The following NTNG1 variants were observed in gnomAD, a reference collection of about 807,000 sequenced individuals.
NTNG1 encodes the protein netrin-G1.
Under a neutral mutation model 54.0 loss-of-function variants are expected in NTNG1, and 16 were observed. That is an observed-to-expected ratio of 0.30 (90% CI 0.20 to 0.45). The LOEUF (loss-of-function observed/expected upper bound fraction) is 0.45, where lower values mean the gene tolerates loss of function less well. NTNG1 is among the 20% of genes least tolerant of loss of function. The pLI is 1.00. For missense variants in NTNG1, 530 were observed against 678.7 expected (o/e 0.78, Z 2.43); for synonymous variants, 255 against 263.1 (o/e 0.97, Z 0.30).
intron 2 of NTNG1, among the ~76,000 whole-genome samples, chr1:107,217,747 T>G (rs954925925): frequency 6.6e-6 from 1 of 152,184 alleles, no homozygotes; most frequent in Non-Finnish European, 1.5e-5. Flanking sequence ...TTCCATTTAT[T>G]TCATGGTTTT....
At chr1:107,316,458 G>A (rs1453328755) in intron 2 of NTNG1, among the ~76,000 whole-genome samples, 1 of 152,168 alleles carries the variant, frequency 6.6e-6, no homozygotes, top group East Asian at 1.9e-4. Context: ...TTATTCCCAA[G>A]CCTCCTAGAC....
chr1:107,350,866 C>T (rs1428856411), intron 3 of NTNG1, among the ~76,000 whole-genome samples: 1 of 152,036 alleles, frequency 6.6e-6, no homozygotes, highest in Non-Finnish European at 1.5e-5. Flanking sequence ...AAATTCTTGT[C>T]AAAAAGTGCA....
chr1:107,332,619 G>C (rs888177333), intron 3 of NTNG1, among the ~76,000 whole-genome samples: 2 of 151,982 alleles, frequency 1.3e-5, no homozygotes, highest in Non-Finnish European at 1.5e-5. Context: ...GCCATTGTTT[G>C]ATACTTAGTG....
chr1:107,366,581 C>A (rs1295318835), intron 3 of NTNG1, among the ~76,000 whole-genome samples: 2 of 152,146 alleles, frequency 1.3e-5, no homozygotes, highest in African/African-American at 4.8e-5. Flanking sequence ...CTGTAAAGCT[C>A]TCTGTATATG....
At chr1:107,244,006 G>T (rs1373271092) in intron 2 of NTNG1, among the ~76,000 whole-genome samples, 2 of 152,142 alleles carry the variant, frequency 1.3e-5, no homozygotes, top group Non-Finnish European at 2.9e-5. Flanking sequence ...AAACTTGGAG[G>T]CAAATTAACC....
chr1:107,180,582 C>G (rs1212646165), intron 2 of NTNG1, among the ~76,000 whole-genome samples: 1 of 152,130 alleles, frequency 6.6e-6, no homozygotes, highest in African/African-American at 2.4e-5. Flanking sequence ...AAAAATAGTG[C>G]TATAGAACAT....
chr1:107,226,931 T>G (rs578081211), intron 2 of NTNG1, among the ~76,000 whole-genome samples: 1 of 152,264 alleles, frequency 6.6e-6, no homozygotes, highest in South Asian at 2.1e-4. Flanking sequence ...GTGCAGCAAC[T>G]GAGCAGCACC....
At chr1:107,254,162 T>G (rs1379700954) in intron 2 of NTNG1, among the ~76,000 whole-genome samples, 1 of 152,206 alleles carries the variant, frequency 6.6e-6, no homozygotes, top group Non-Finnish European at 1.5e-5. Flanking sequence ...GAGAACCAAC[T>G]GAGGAAAATG....
chr1:107,476,499 TTCTC>T (rs1253755456), intron 7 of NTNG1, among the ~76,000 whole-genome samples: 5 of 152,240 alleles, frequency 3.3e-5, no homozygotes, highest in African/African-American at 1.2e-4. Flanking sequence ...CAAAAAACAT[TTCTC>T]TCTCTCCTGA....
chr1:107,352,524 C>T (rs956886285), intron 3 of NTNG1, among the ~76,000 whole-genome samples: 2 of 152,192 alleles, frequency 1.3e-5, no homozygotes, highest in Non-Finnish European at 2.9e-5. Context: ...AGGCAAGTCC[C>T]TTCCACCTAT....
At chr1:107,149,750 G>A (rs956174426) in intron 2 of NTNG1, among the ~76,000 whole-genome samples, 2 of 151,738 alleles carry the variant, frequency 1.3e-5, no homozygotes, top group African/African-American at 4.8e-5. Context: ...GAGTTCAGAT[G>A]GTGAGTTCAT....
rs187330319 is a variant in NTNG1 at position 107,246,174 on chromosome 1, C to T, written c.247-78108C>T. ...TCATGCCATTCTCCTGCCTCAGCCT[C>T]CTGAGTAGCTGGGACTACAGGCACC... On this transcript the variant is annotated intron_variant, in intron 2 of 7. Coordinates refer to ENST00000370068, the MANE Select transcript of NTNG1 (RefSeq NM_001113226.3). Among the ~76,000 whole-genome samples the T allele has an allele frequency of 5.3e-3, 812 of 152,250 alleles. 5 individuals carry two copies. The highest frequency in any genetic ancestry group is 9.7e-3 in the Non-Finnish European group (659 of 68,018).
At chr1:107,353,641 AGC>A (rs1309847038) in intron 3 of NTNG1, among the ~76,000 whole-genome samples, 1 of 152,156 alleles carries the variant, frequency 6.6e-6, no homozygotes, top group Non-Finnish European at 1.5e-5. Context: ...CCAATTCCAA[AGC>A]TGCTTCCACA....
At chr1:107,301,180 A>AC (rs1666289849) in intron 2 of NTNG1, among the ~76,000 whole-genome samples, 1 of 152,166 alleles carries the variant, frequency 6.6e-6, no homozygotes, top group East Asian at 1.9e-4. Context: ...ATCCTATGTA[A>AC]TGTTTAGATT....
chr1:107,448,086 C>G (rs1340986779), intron 7 of NTNG1, among the ~76,000 whole-genome samples: 1 of 152,034 alleles, frequency 6.6e-6, no homozygotes, highest in African/African-American at 2.4e-5. Flanking sequence ...TTCCTCTTGT[C>G]AAAATCTGAG....
intron 3 of NTNG1, among the ~76,000 whole-genome samples, chr1:107,337,523 C>A (rs1668656604): frequency 6.6e-6 from 1 of 151,766 alleles, no homozygotes; most frequent in African/African-American, 2.4e-5. Flanking sequence ...TAAAAAAGTT[C>A]CAGAGATGAA....
intron 2 of NTNG1, among the ~76,000 whole-genome samples, chr1:107,150,985 C>T (rs1654524859): frequency 6.6e-6 from 1 of 152,198 alleles, no homozygotes; most frequent in South Asian, 2.1e-4. Context: ...CTCCGTAGGA[C>T]AGTCTTTAAA....
At chr1:107,477,182 C>T (rs532938681) in intron 7 of NTNG1, among the ~76,000 whole-genome samples, 2 of 152,322 alleles carry the variant, frequency 1.3e-5, no homozygotes, top group Non-Finnish European at 2.9e-5. Flanking sequence ...GCTGCTGCAG[C>T]TGCCTCTGAA....
intron 3 of NTNG1, among the ~76,000 whole-genome samples, chr1:107,329,846 G>A (rs1413044300): frequency 6.6e-6 from 1 of 152,002 alleles, no homozygotes; most frequent in Non-Finnish European, 1.5e-5. Context: ...ACCAAGCATA[G>A]TCTCTGCTCT....
Sources: gnomAD v4.1 joint callset for allele counts (sites outside exome capture counted in the v4.1 genomes callset) on GRCh38, gnomAD v4.1.1 for gene constraint, MANE v1.5 for transcripts, NCBI Gene and HGNC (gene_info 2026-07-23, HGNC 2026-07-21) for gene names.